The following RARS2 variants were observed in gnomAD, a reference collection of about 807,000 sequenced individuals.
The protein encoded by RARS2 is arginyl-tRNA synthetase 2, mitochondrial.
In RARS2, 67 loss-of-function variants were observed where a neutral mutation model predicts 88.5. The ratio of observed to expected loss-of-function variants is 0.76; its 90% confidence interval spans 0.62 to 0.93. RARS2 has a LOEUF of 0.93. RARS2 is among the 40% of genes least tolerant of loss of function. The probability of loss-of-function intolerance (pLI) is 0.00; values close to 1 mark genes in which losing one functional copy is unlikely to be tolerated. For missense variants in RARS2, 664 were observed against 684.2 expected, an observed-to-expected ratio of 0.97 and a Z score of 0.33; for synonymous variants, 239 against 230.3, an observed-to-expected ratio of 1.04 and a Z score of -0.34.
intron 2 of RARS2, among the ~76,000 whole-genome samples, chr6:87,568,840 A>T: frequency 6.6e-6 from 1 of 152,202 alleles, no homozygotes; most frequent in East Asian, 1.9e-4. Flanking sequence ...ATTATATCTT[A>T]ACTTCTTTTC....
intron 1 of RARS2, among the ~76,000 whole-genome samples, chr6:87,577,896 A>C (rs953624186): frequency 6.6e-5 from 10 of 152,236 alleles, no homozygotes; most frequent in Admixed American, 2.0e-4. Context: ...TTACTGTAAA[A>C]ACCTCATTTA....
intron 1 of RARS2, among the ~76,000 whole-genome samples, chr6:87,573,199 G>A (rs1770336594): frequency 6.6e-6 from 1 of 152,158 alleles, no homozygotes; most frequent in East Asian, 1.9e-4. Flanking sequence ...AATCATGGCA[G>A]AAAGCGAAAG....
chr6:87,528,299 T>C (rs1776415958), intron 10 of RARS2, among the ~76,000 whole-genome samples: 1 of 150,564 alleles, frequency 6.6e-6, no homozygotes, highest in African/African-American at 2.4e-5. Flanking sequence ...AGGGAACCCT[T>C]GTACACTGTT....
chr6:87,528,063 TA>T (rs55794237), intron 10 of RARS2, among the ~76,000 whole-genome samples: 75,171 of 128,884 alleles, frequency 0.58, 19,232 homozygotes, highest in Admixed American at 0.65. Context: ...CCTGGGAACA[TA>T]AAAAAAAAAA....
intron 8 of RARS2, among the ~76,000 whole-genome samples, chr6:87,531,839 A>G (rs939086667): frequency 2.6e-5 from 4 of 152,232 alleles, no homozygotes; most frequent in African/African-American, 9.6e-5. Context: ...AGTTATACAT[A>G]TGGACAAATA....
intron 11 of RARS2, among the ~76,000 whole-genome samples, chr6:87,522,703 C>A (rs1167678274): frequency 6.6e-6 from 1 of 152,102 alleles, no homozygotes; most frequent in Non-Finnish European, 1.5e-5. Flanking sequence ...GTTGGCCAGG[C>A]TGGTTTCAAA....
At chr6:87,530,131 A>C (rs921272682) in intron 9 of RARS2, among the ~76,000 whole-genome samples, 1 of 152,282 alleles carries the variant, frequency 6.6e-6, no homozygotes, top group Admixed American at 6.5e-5. Flanking sequence ...CCACAGATAC[A>C]GAAGATTCCC....
chr6:87,517,311 CTG>C (rs913645320), intron 17 of RARS2, among the ~76,000 whole-genome samples: 1 of 152,112 alleles, frequency 6.6e-6, no homozygotes, highest in South Asian at 2.1e-4. Flanking sequence ...TATGAAAAAA[CTG>C]TGTGTACATT....
chr6:87,530,623 T>G (rs778003176), intron 9 of RARS2, among the ~76,000 whole-genome samples, 161 bp downstream of exon 9: 1 of 152,236 alleles, frequency 6.6e-6, no homozygotes, highest in African/African-American at 2.4e-5. Context: ...CAGGATTATT[T>G]TGCAGTTCTT....
intron 5 of RARS2, among the ~76,000 whole-genome samples, chr6:87,552,745 A>G (rs1193891272): frequency 6.6e-6 from 1 of 152,134 alleles, no homozygotes; most frequent in Non-Finnish European, 1.5e-5. Context: ...GAGTAAAAAG[A>G]TGGTGAAGCT....
chr6:87,518,661 A>G lies in RARS2; in HGVS notation c.1384T>C (p.Phe462Leu), dbSNP rs1457855984. Residue 462 changes from phenylalanine to leucine, a missense_variant, in exon 16 of 20, where the codon TTC (phenylalanine) becomes CTC (leucine). Coordinates refer to ENST00000369536, the MANE Select transcript of RARS2 (RefSeq NM_020320.5). The part of the protein sequence containing the change: ...VFQSRGDTGV[F>L]LQYTHARLHS... The stretch of plus-strand genomic sequence containing the variant: ...AGGCGGGCGTGTGTGTACTGTAGGA[A>G]GACTCCTGTGTCCCCGCGACTCTGG... 1 of 1,613,938 alleles carries G rather than the reference A, an allele frequency of 6.2e-7. No individual in the cohort carries two copies. Among genetic ancestry groups the G allele is most frequent in the Admixed American group, 1.7e-5 (1 of 60,018 alleles).
rs5878032 is a variant in RARS2, at chr6:87,514,311, CAA to C, written c.*100_*101del. 0.033 allele frequency: 18,761 copies of C among 562,694 alleles called. No individual in the cohort carries two copies. Among genetic ancestry groups the C allele is most frequent in the South Asian group, 0.044 (2,269 of 51,822 alleles). 34.9% of individuals were successfully genotyped at this position (562,694 alleles called of 1,614,324 possible). ...GGGCAACAAGAGCGAAACTCCATCT[CAA>C]AAAAAAAAAAAAAAAATTTAAATTT... On this transcript the variant is annotated 3_prime_UTR_variant, in exon 20 of 20. Coordinates refer to ENST00000369536, the MANE Select transcript of RARS2 (RefSeq NM_020320.5).
intron 1 of RARS2, among the ~76,000 whole-genome samples, chr6:87,586,241 T>C (rs1462171029): frequency 6.6e-6 from 1 of 152,126 alleles, no homozygotes; most frequent in Non-Finnish European, 1.5e-5. Context: ...GCAGCAATAG[T>C]GTAGATGGAT....
chr6:87,539,035 C>CATAA (rs549298985), intron 8 of RARS2, among the ~76,000 whole-genome samples: 251 of 140,308 alleles, frequency 1.8e-3, no homozygotes, highest in African/African-American at 5.5e-3. Context: ...TCCTGTCTCA[C>CATAA]ATAAATAAAT....
intron 8 of RARS2, among the ~76,000 whole-genome samples, chr6:87,533,341 G>GA (rs1778133564): frequency 6.6e-6 from 1 of 152,058 alleles, no homozygotes; most frequent in South Asian, 2.1e-4. Context: ...AAACATTAGT[G>GA]AAAATCAACT....
chr6:87,529,642 C>T lies in RARS2; in HGVS notation c.778G>A (p.Gly260Arg), dbSNP rs1002729156. The T allele has an allele frequency of 6.3e-7, 1 of 1,595,970 alleles. No homozygotes were observed. The highest frequency in any genetic ancestry group is 1.3e-5 in the African/African-American group (1 of 74,596). Reference protein sequence around the residue: ...EEYIRVYKRLGVYFDEYSGES... With the variant: ...EEYIRVYKRLRVYFDEYSGES... ...CCTGAATATTCATCAAAATATACTC[C>T]CAGACGCTAAAAGAGTTCAGAAACA... The change falls in exon 10 of 20, where the codon GGA becomes AGA. Residue 260 changes from glycine to arginine, a missense_variant. Physicochemically the swap from Gly to Arg is moderately radical, Grantham distance 125. Transcript: ENST00000369536.
Position 87,520,254 on chromosome 6 carries a change from T to A in RARS2, c.1038A>T (p.Thr346=). The A allele has an allele frequency of 1.9e-6, 3 of 1,601,634 alleles. No individual in the cohort carries two copies. In the South Asian group the frequency reaches 3.3e-5, roughly 18 times the overall value. The change falls in exon 13 of 20, where the codon ACA becomes ACT. Residue 346 remains threonine (T), a splice_region_variant and synonymous_variant. Transcript: ENST00000369536. ...GAAAATGCTTTTTTTGTCCTTTATCTGTCTTGGGAAGAAAATATATATAAA... is the reference window on the plus strand; with the variant it reads ...GAAAATGCTTTTTTTGTCCTTTATCAGTCTTGGGAAGAAAATATATATAAA... ...KYNFDTMIYV[T]DKGQKKHFQQ... is the part of the protein sequence containing the mutation.
Position 87,572,244 on chromosome 6 carries a change from C to T in RARS2, c.37-2654G>A, listed in dbSNP as rs148290270. ...AAATCTGTTAAATAATAAACTAGGGCTCTTGTGATGACTAAGAAAAATATG... is the reference window on the plus strand; with the variant it reads ...AAATCTGTTAAATAATAAACTAGGGTTCTTGTGATGACTAAGAAAAATATG... On this transcript the variant is annotated intron_variant, in intron 1 of 19. Coordinates refer to ENST00000369536, the MANE Select transcript of RARS2 (RefSeq NM_020320.5). Among the ~76,000 whole-genome samples, 146 of 152,208 alleles carry T rather than the reference C, an allele frequency of 9.6e-4. 1 individual carries two copies. The highest frequency in any genetic ancestry group is 3.4e-3 in the African/African-American group (142 of 41,528).
intron 8 of RARS2, among the ~76,000 whole-genome samples, chr6:87,540,783 A>G (rs556867107): frequency 6.6e-6 from 1 of 152,194 alleles, no homozygotes; most frequent in Non-Finnish European, 1.5e-5. Context: ...AAACTTCAGG[A>G]AGAACTGAAG....
Sources: allele counts gnomAD v4.1 joint callset (sites outside exome capture counted in the v4.1 genomes callset), GRCh38; gene constraint gnomAD v4.1.1; transcripts MANE v1.5; gene names NCBI Gene and HGNC (gene_info 2026-07-23, HGNC 2026-07-21).